Variants in ANXA8 observed in about 807,000 individuals in gnomAD.
The protein encoded by ANXA8 is annexin A8.
A neutral mutation model predicts 26.8 loss-of-function variants in ANXA8; 9 were observed. The observed-to-expected ratio is 0.34, with a 90% CI of 0.20 to 0.59. The LOEUF (loss-of-function observed/expected upper bound fraction) is 0.59, where lower values mean the gene tolerates loss of function less well. ANXA8 is among the 20% of genes least tolerant of loss of function. The probability of loss-of-function intolerance (pLI) is 0.84; values close to 1 mark genes in which losing one functional copy is unlikely to be tolerated. For missense variants in ANXA8, 83 were observed against 238.5 expected, an observed-to-expected ratio of 0.35 and a Z score of 4.29; for synonymous variants, 39 against 94.8, an observed-to-expected ratio of 0.41 and a Z score of 3.42.
At chr10:47,761,999 TGG>T in the ANXA8 span, among the ~76,000 whole-genome samples, 3 of 136,110 alleles carry the variant, frequency 2.2e-5, no homozygotes, top group Non-Finnish European at 3.2e-5. Flanking sequence ...CCATATCCCC[TGG>T]GCTCCTGTTG....
chr10:47,664,293 G>A, the ANXA8 span, among the ~76,000 whole-genome samples: 2 of 152,194 alleles, frequency 1.3e-5, no homozygotes, highest in African/African-American at 4.8e-5. Flanking sequence ...CAGGAGAATT[G>A]CTTGAACCCA....
At chr10:47,631,424 T>G in the ANXA8 span, among the ~76,000 whole-genome samples, 1 of 151,282 alleles carries the variant, frequency 6.6e-6, no homozygotes, top group Non-Finnish European at 1.5e-5. Context: ...CTTTGCACAG[T>G]AAGGCCTTAT....
In ANXA8 at chr10:47,484,068, C is replaced by T; in HGVS notation, c.-135G>A. ...ACTTGGGTGTGGGGGTGCAAGCCCG[C>T]CCAGGGCAGCGCCACACCTGCCTGC... On this transcript the variant is annotated 5_prime_UTR_variant, in exon 1 of 12. Coordinates refer to ENST00000585281, the MANE Select transcript of ANXA8 (RefSeq NM_001040084.3). 1.2e-6 allele frequency: 2 copies of T among 1,606,000 alleles called. No homozygotes were observed. Among genetic ancestry groups the T allele is most frequent in the Non-Finnish European group, 1.7e-6 (2 of 1,175,204 alleles).
At chr10:47,586,148 A>G in the ANXA8 span, among the ~76,000 whole-genome samples, 6 of 140,970 alleles carry the variant, frequency 4.3e-5, no homozygotes, top group Non-Finnish European at 8.9e-5. Flanking sequence ...CTTTTTGTAA[A>G]ATTCAGTTTT....
the ANXA8 span, among the ~76,000 whole-genome samples, chr10:47,709,112 T>C: frequency 6.9e-6 from 1 of 144,382 alleles, no homozygotes; most frequent in Non-Finnish European, 1.5e-5. Flanking sequence ...TTGAATTTTA[T>C]GTGTGTGTGA....
the ANXA8 span, among the ~76,000 whole-genome samples, chr10:47,621,782 T>C: frequency 1.8e-5 from 2 of 109,104 alleles, 1 homozygote; most frequent in Non-Finnish European, 4.0e-5. Context: ...CTGCTATATG[T>C]TGCCAGTCTC....
At chr10:47,582,549 G>A in the ANXA8 span, among the ~76,000 whole-genome samples, 2 of 141,636 alleles carry the variant, frequency 1.4e-5, no homozygotes, top group Non-Finnish European at 3.0e-5. Context: ...AAAGCAGCCT[G>A]TCCAGAGCTG....
the ANXA8 span, among the ~76,000 whole-genome samples, chr10:47,558,619 G>A: frequency 6.6e-6 from 1 of 151,284 alleles, no homozygotes; most frequent in African/African-American, 2.4e-5. Context: ...GCACACCTGA[G>A]CTCAAGTTCT....
intron 7 of ANXA8, 33 bp downstream of exon 7, chr10:47,474,912 T>C: frequency 7.2e-6 from 11 of 1,530,400 alleles, no homozygotes; most frequent in Admixed American, 1.8e-5. Context: ...TGGCAGGGGG[T>C]GGGGCCACAT....
chr10:47,937,824 G>A, the ANXA8 span, among the ~76,000 whole-genome samples: 3 of 147,440 alleles, frequency 2.0e-5, no homozygotes, highest in Non-Finnish European at 3.0e-5. Context: ...TCATGTTCCT[G>A]TAAAGGACAT....
At chr10:47,556,247 C>T in the ANXA8 span, among the ~76,000 whole-genome samples, 2 of 151,946 alleles carry the variant, frequency 1.3e-5, no homozygotes, top group East Asian at 1.9e-4. Context: ...GTCCATGCCT[C>T]GCCTCCCCCT....
the ANXA8 span, among the ~76,000 whole-genome samples, chr10:47,707,118 T>C: frequency 7.0e-6 from 1 of 143,226 alleles, no homozygotes. Flanking sequence ...TATCAGTGTT[T>C]ATTTCATTGT....
chr10:47,756,691 C>T, the ANXA8 span, among the ~76,000 whole-genome samples: 1 of 152,310 alleles, frequency 6.6e-6, no homozygotes, highest in Non-Finnish European at 1.5e-5. Context: ...ACCACCACCT[C>T]ACTGGGATGG....
At chr10:47,701,297 A>G in the ANXA8 span, among the ~76,000 whole-genome samples, 3 of 151,554 alleles carry the variant, frequency 2.0e-5, no homozygotes, top group Non-Finnish European at 4.4e-5. Flanking sequence ...ACCCTTTTGA[A>G]GGGATATTTG....
At chr10:47,611,124 T>C in the ANXA8 span, among the ~76,000 whole-genome samples, 1 of 26,740 alleles carries the variant, frequency 3.7e-5, no homozygotes, top group African/African-American at 1.7e-4. Context: ...CACATAATAA[T>C]GATTTAATAA....
the ANXA8 span, among the ~76,000 whole-genome samples, chr10:47,570,159 T>A: frequency 1.6e-5 from 1 of 61,652 alleles, no homozygotes; most frequent in Non-Finnish European, 3.8e-5. Context: ...TTGTGTGTGA[T>A]CTGAACATTC....
the ANXA8 span, among the ~76,000 whole-genome samples, chr10:47,618,128 C>T: frequency 5.1e-4 from 56 of 109,618 alleles, 5 homozygotes; most frequent in African/African-American, 1.9e-3. Context: ...ACAACAAAAA[C>T]GATGCTGTGC....
chr10:47,469,954 C>A (rs1228382059), intron 11 of ANXA8, among the ~76,000 whole-genome samples: 2 of 151,548 alleles, frequency 1.3e-5, no homozygotes, highest in Non-Finnish European at 2.9e-5. Flanking sequence ...TCCTAGCTCA[C>A]GGCAGCCTTG....
chr10:47,469,981 C>T lies in ANXA8; in HGVS notation c.925-1075G>A, dbSNP rs1458623523. On this transcript the variant is annotated intron_variant, in intron 11 of 11. Transcript: ENST00000585281. ...GCAGCCTTGGACTCCTGGGCTCAAG[C>T]GATCCTCCCGCGTTGGCCTCCCAAA... Among the ~76,000 whole-genome samples the T allele has an allele frequency of 2.2e-3, 332 of 151,658 alleles. 11 individuals are homozygous for T. The East Asian group carries it at 0.039, about 18-fold the overall frequency.
Sources: allele counts gnomAD v4.1 joint callset (sites outside exome capture counted in the v4.1 genomes callset), GRCh38; gene constraint gnomAD v4.1.1; transcripts MANE v1.5; gene names NCBI Gene and HGNC (gene_info 2026-07-23, HGNC 2026-07-21).